SRSF2: variants seen among roughly 807,000 people sequenced by gnomAD.
The protein encoded by SRSF2 is serine/arginine-rich splicing factor 2.
In SRSF2, 4 loss-of-function variants were observed where a neutral mutation model predicts 15.7. That is an observed-to-expected ratio of 0.26 (90% CI 0.13 to 0.58). SRSF2 has a LOEUF of 0.58. Ranked by LOEUF, SRSF2 falls within the 20% of genes least tolerant of loss-of-function variation. The pLI is 0.90. For missense variants in SRSF2, 147 were observed against 332.4 expected, an observed-to-expected ratio of 0.44 and a Z score of 4.34; for synonymous variants, 192 against 138.9, an observed-to-expected ratio of 1.38 and a Z score of -2.69.
At position 76,737,324 on chromosome 17, in the gene SRSF2, T is replaced by G. The variant is rs1486537530; in HGVS notation, c.-164A>C. The G allele has an allele frequency of 2.2e-6, 2 of 916,312 alleles. No homozygotes were observed. The highest frequency in any genetic ancestry group is 2.8e-5 in the East Asian group (1 of 36,238). The allele number at this position is 916,312 out of a possible 1,614,324, so 56.8% of individuals were successfully genotyped here. A position where few individuals can be genotyped will look rare whatever the true frequency, so the allele number is the denominator to read the frequency against. ...GGCTCCGCAGGCTAGCGCACCTGAG[T>G]AACAACTGGGCGGGCAGCCGGCCTC... On this transcript the variant is annotated 5_prime_UTR_variant, in exon 1 of 3. Coordinates refer to ENST00000359995, the MANE Select transcript of SRSF2 (RefSeq NM_001195427.2).
chr17:76,736,578 G>T (rs777172872), intron 1 of SRSF2, 114 bp from the exon 2 acceptor site: 44 of 1,288,118 alleles, frequency 3.4e-5, no homozygotes, highest in Non-Finnish European at 4.4e-5. Context: ...CATTTCCCCA[G>T]TCGCGAGGCG....
intron 1 of SRSF2, 143 bp downstream of exon 1, chr17:76,736,656 G>A: frequency 8.4e-7 from 1 of 1,196,420 alleles, no homozygotes; most frequent in Non-Finnish European, 1.1e-6. Context: ...AGCTCGCGGG[G>A]TGGCCGGAGG....
Position 76,736,840 on chromosome 17 carries a change from G to A in SRSF2, c.321C>T (p.Pro107=), listed in dbSNP as rs1170502685. The change falls in exon 1 of 3, where the codon CCC becomes CCT. Residue 107 remains proline (P), a synonymous_variant. Transcript: ENST00000359995. The stretch of plus-strand genomic sequence containing the variant: ...CGTAGCCACCGCCCCCGTACCTGCG[G>A]GGTGGCGGTCCCCGGCGGCTGTGGT... ...DSHHSRRGPP[P]RRYGGGGYGR... The A allele has an allele frequency of 1.2e-6, 2 of 1,604,660 alleles. No individual in the cohort carries two copies. The highest frequency in any genetic ancestry group is 3.4e-4 in the Middle Eastern group (2 of 5,942).
intron 1 of SRSF2, 131 bp from the exon 2 acceptor site, chr17:76,736,595 T>C (rs1396978856): frequency 1.7e-6 from 2 of 1,211,298 alleles, no homozygotes; most frequent in Non-Finnish European, 2.2e-6. Flanking sequence ...GGCGGGGTCC[T>C]CCGCCCCGCG....
Position 76,736,196 on chromosome 17 carries a change from TGGG to T in SRSF2, c.628_630del (p.Pro210del), listed in dbSNP as rs1171781533. The stretch of plus-strand genomic sequence containing the variant: ...ACCGCTCCTTCCTCTTCAGGAGACT[TGGG>T]GGGACTCTTCGATCGCGACCTGGAT... On this transcript the variant is annotated inframe_deletion, in exon 2 of 3. Transcript: ENST00000359995. 1.9e-6 allele frequency: 3 copies of T among 1,613,574 alleles called. No homozygotes were observed. The highest frequency in any genetic ancestry group is 3.3e-5 in the Admixed American group (2 of 59,984).
chr17:76,736,203 A>G lies in SRSF2; in HGVS notation c.624T>C (p.Ser208=), dbSNP rs139439392. ...CTTCCTCTTCAGGAGACTTGGGGGG[A>G]CTCTTCGATCGCGACCTGGATTTGG... ...RESKSRSRSK[S]PPKSPEEEGA... is the part of the protein sequence containing the mutation. Residue 208 remains serine, a synonymous_variant, in exon 2 of 3, where the codon AGT becomes AGC. Transcript: ENST00000359995. 63 of 1,613,118 alleles carry G rather than the reference A, an allele frequency of 3.9e-5. No individual in the cohort carries two copies. The highest frequency in any genetic ancestry group is 5.0e-5 in the Non-Finnish European group (59 of 1,179,762).
At position 76,734,327 on chromosome 17, in the gene SRSF2, A is replaced by G; in HGVS notation, c.*839T>C. The G allele has an allele frequency of 8.5e-6, 2 of 236,598 alleles. No homozygotes were observed. 14.7% of individuals were successfully genotyped at this position (236,598 alleles called of 1,614,324 possible). On this transcript the variant is annotated 3_prime_UTR_variant, in exon 3 of 3. Transcript: ENST00000359995. ...AGGGGGAAGAGGGAAAAAAAGGTGTATTTATCATCAGCTAGATGTGCTCAC... is the reference window on the plus strand; with the variant it reads ...AGGGGGAAGAGGGAAAAAAAGGTGTGTTTATCATCAGCTAGATGTGCTCAC...
At chr17:76,736,030 T>C (rs2077445689) in intron 2 of SRSF2, 124 bp downstream of exon 2, 2 of 966,562 alleles carry the variant, frequency 2.1e-6, no homozygotes, top group Non-Finnish European at 3.1e-6. Flanking sequence ...CTCCCAAAGG[T>C]GAGTAACCTC....
At chr17:76,735,914 CAAG>C (rs2077439640) in intron 2 of SRSF2, 1 of 608,326 alleles carries the variant, frequency 1.6e-6, no homozygotes, top group Non-Finnish European at 3.0e-6. Flanking sequence ...ATAAAAACAG[CAAG>C]AAATAGTCAT....
chr17:76,736,840 G>C lies in SRSF2; in HGVS notation c.321C>G (p.Pro107=), dbSNP rs1170502685. 6.2e-7 allele frequency: 1 copy of C among 1,604,662 alleles called. No homozygotes were observed. Among genetic ancestry groups the C allele is most frequent in the Non-Finnish European group, 8.5e-7 (1 of 1,176,188 alleles). Residue 107 remains proline (P), a synonymous_variant, in exon 1 of 3, where the codon CCC becomes CCG. Transcript: ENST00000359995. ...CGTAGCCACCGCCCCCGTACCTGCGGGGTGGCGGTCCCCGGCGGCTGTGGT... is the reference window on the plus strand; with the variant it reads ...CGTAGCCACCGCCCCCGTACCTGCGCGGTGGCGGTCCCCGGCGGCTGTGGT... ...DSHHSRRGPP[P]RRYGGGGYGR...
chr17:76,734,450 G>A lies in SRSF2; in HGVS notation c.*716C>T, dbSNP rs542035458. 8.2e-6 allele frequency: 2 copies of A among 242,912 alleles called. No homozygotes were observed. Among genetic ancestry groups the A allele is most frequent in the Non-Finnish European group, 1.7e-5 (2 of 116,106 alleles). 15.0% of individuals were successfully genotyped at this position (242,912 alleles called of 1,614,324 possible). On this transcript the variant is annotated 3_prime_UTR_variant, in exon 3 of 3. Coordinates refer to ENST00000359995, the MANE Select transcript of SRSF2 (RefSeq NM_001195427.2). ...ACAGCCATTTGTTTCTGCACGACAAGGCATCTTTACACAGGAGCAATCGGG... is the reference window on the plus strand; with the variant it reads ...ACAGCCATTTGTTTCTGCACGACAAAGCATCTTTACACAGGAGCAATCGGG...
At position 76,737,320 on chromosome 17, in the gene SRSF2, T is replaced by G. The variant is rs2077564446; in HGVS notation, c.-160A>C. The G allele has an allele frequency of 4.8e-6, 5 of 1,039,836 alleles. No homozygotes were observed. The highest frequency in any genetic ancestry group is 6.7e-6 in the Non-Finnish European group (5 of 747,800). The allele number at this position is 1,039,836 out of a possible 1,614,324, so 64.4% of individuals were successfully genotyped here. A position where few individuals can be genotyped will look rare whatever the true frequency, so the allele number is the denominator to read the frequency against. ...GACGGGCTCCGCAGGCTAGCGCACC[T>G]GAGTAACAACTGGGCGGGCAGCCGG... On this transcript the variant is annotated 5_prime_UTR_variant, in exon 1 of 3. Coordinates refer to ENST00000359995, the MANE Select transcript of SRSF2 (RefSeq NM_001195427.2).
intron 2 of SRSF2, chr17:76,735,749 A>AGATCTCGGTGG: frequency 2.9e-6 from 1 of 346,230 alleles, no homozygotes; most frequent in African/African-American, 2.1e-5. Context: ...AGGATAGTGC[A>AGATCTCGGTGG]TCTTTAACAT....
Position 76,737,068 on chromosome 17 carries a change from C to T in SRSF2, c.93G>A (p.Arg31=). 6.2e-7 allele frequency: 1 copy of T among 1,613,198 alleles called. No individual in the cohort carries two copies. Among genetic ancestry groups the T allele is most frequent in the South Asian group, 1.1e-5 (1 of 91,022 alleles). Residue 31 remains arginine, a synonymous_variant, in exon 1 of 3, where the codon AGG becomes AGA. Transcript: ENST00000359995. The part of the protein sequence containing the change: ...LTYRTSPDTL[R]RVFEKYGRVG... ...CGCGCCCGTACTTCTCGAAGACGCG[C>T]CTCAGCGTGTCGGGCGAGGTGCGGT...
chr17:76,736,877 G>GGGC lies in SRSF2; in HGVS notation c.281_283dup (p.Arg94dup), dbSNP rs1568026687. The GGGC allele has an allele frequency of 2.5e-6, 4 of 1,611,080 alleles. No individual in the cohort carries two copies. Among genetic ancestry groups the GGGC allele is most frequent in the Non-Finnish European group, 1.7e-6 (2 of 1,179,090 alleles). On this transcript the variant is annotated inframe_insertion, in exon 1 of 3. Transcript: ENST00000359995. ...CCGGCGGCTGTGGTGTGAGTCCGGGGGGCGGCCGTAGCGCGCCATTTGCAC... is the reference window on the plus strand; with the variant it reads ...CCGGCGGCTGTGGTGTGAGTCCGGGGGGCGGCGGCCGTAGCGCGCCATTTGCAC...
At chr17:76,735,459 C>T (rs369068156) in intron 2 of SRSF2, 3 of 226,004 alleles carry the variant, frequency 1.3e-5, no homozygotes, top group South Asian at 3.7e-4. Flanking sequence ...GAGAATTGGT[C>T]TATATTTCAT....
chr17:76,736,686 AC>A (rs561929258), intron 1 of SRSF2, 112 bp downstream of exon 1: 1 of 1,240,682 alleles, frequency 8.1e-7, no homozygotes, highest in Non-Finnish European at 1.0e-6. Context: ...CGCGGCGTGC[AC>A]CCCCGCCCCG....
intron 2 of SRSF2, chr17:76,735,449 G>A (rs900504123): frequency 4.4e-6 from 1 of 226,270 alleles, no homozygotes; most frequent in Non-Finnish European, 8.8e-6. Flanking sequence ...CTCGAGATCA[G>A]AGAATTGGTC....
In SRSF2 at chr17:76,736,473, G is replaced by A. The variant is rs1568024074; in HGVS notation, c.363-9C>T. 3 of 1,609,136 alleles carry A rather than the reference G, an allele frequency of 1.9e-6. No homozygotes were observed. The highest frequency in any genetic ancestry group is 1.7e-5 in the Admixed American group (1 of 60,004). On this transcript the variant is annotated splice_polypyrimidine_tract_variant and intron_variant, in intron 1 of 2. Transcript: ENST00000359995. ...GGCGACGCCGCCTAGGGCTGCGGGC[G>A]GGACGAGCAAGCACAGCGGGGTTAA...
Sources: gnomAD v4.1 joint callset for allele counts on GRCh38, gnomAD v4.1.1 for gene constraint, MANE v1.5 for transcripts, NCBI Gene and HGNC (gene_info 2026-07-23, HGNC 2026-07-21) for gene names.